The following PHACTR1 variants were observed in gnomAD, a reference collection of about 807,000 sequenced individuals.
The protein encoded by PHACTR1 is RPEL repeat containing 1.
In PHACTR1, 16 loss-of-function variants were observed where a neutral mutation model predicts 69.2. The observed-to-expected ratio is 0.23, with a 90% CI of 0.16 to 0.35. The LOEUF (loss-of-function observed/expected upper bound fraction) is 0.35, where lower values mean the gene tolerates loss of function less well. PHACTR1 is among the 10% of genes least tolerant of loss of function. PHACTR1 has a pLI of 1.00. For missense variants in PHACTR1, 510 were observed against 734.7 expected, an observed-to-expected ratio of 0.69 and a Z score of 3.54; for synonymous variants, 312 against 284.5, an observed-to-expected ratio of 1.10 and a Z score of -0.97.
At chr6:13,219,385 C>T (rs192512378) in intron 8 of PHACTR1, among the ~76,000 whole-genome samples, 38 of 152,226 alleles carry the variant, frequency 2.5e-4, no homozygotes, top group Admixed American at 5.9e-4. Context: ...AATGTGATGT[C>T]GGGCAGGGAC....
In PHACTR1 at chr6:13,034,139, T is replaced by A. The variant is rs566607072; in HGVS notation, c.251-19226T>A. ...TTCACGCCATTCTCCTGCCTCAGCCTCCCGAGTAGCTGGGACTACAGGCGC... is the reference window on the plus strand; with the variant it reads ...TTCACGCCATTCTCCTGCCTCAGCCACCCGAGTAGCTGGGACTACAGGCGC... On this transcript the variant is annotated intron_variant, in intron 4 of 14. Coordinates refer to ENST00000332995, the MANE Select transcript of PHACTR1 (RefSeq NM_030948.6). Among the ~76,000 whole-genome samples the A allele has an allele frequency of 3.2e-4, 49 of 152,152 alleles. 1 individual carries two copies. In the South Asian group the frequency reaches 9.3e-3, roughly 29 times the overall value.
At chr6:12,930,793 G>A (rs1788781586) in intron 4 of PHACTR1, among the ~76,000 whole-genome samples, 1 of 152,148 alleles carries the variant, frequency 6.6e-6, no homozygotes, top group Admixed American at 6.5e-5. Context: ...GCTCATGCCT[G>A]TAATCCCAAC....
intron 5 of PHACTR1, among the ~76,000 whole-genome samples, chr6:13,055,317 T>A (rs1200285979): frequency 6.6e-6 from 1 of 152,160 alleles, no homozygotes; most frequent in Non-Finnish European, 1.5e-5. Context: ...GCAAAACCTG[T>A]AGGTCATTTG....
intron 5 of PHACTR1, among the ~76,000 whole-genome samples, chr6:13,055,316 G>T (rs1806603949): frequency 6.6e-6 from 1 of 152,164 alleles, no homozygotes; most frequent in Non-Finnish European, 1.5e-5. Flanking sequence ...CGCAAAACCT[G>T]TAGGTCATTT....
At chr6:12,932,078 A>G (rs1332443109) in intron 4 of PHACTR1, among the ~76,000 whole-genome samples, 1 of 152,130 alleles carries the variant, frequency 6.6e-6, no homozygotes, top group African/African-American at 2.4e-5. Flanking sequence ...ATCTGTGTTA[A>G]ATAAGTCTTC....
intron 4 of PHACTR1, among the ~76,000 whole-genome samples, chr6:12,899,877 G>A (rs1010533999): frequency 1.8e-4 from 28 of 152,126 alleles, no homozygotes; most frequent in African/African-American, 6.3e-4. Flanking sequence ...GCCTCCCTGT[G>A]TCCATCCCAC....
intron 3 of PHACTR1, among the ~76,000 whole-genome samples, chr6:12,720,387 G>C (rs1761957482): frequency 6.6e-6 from 1 of 152,348 alleles, no homozygotes; most frequent in Middle Eastern, 3.4e-3. Context: ...GATGCTTTAA[G>C]CCTTTAAGAA....
At chr6:13,169,357 TCTGGG>T (rs962487000) in intron 6 of PHACTR1, among the ~76,000 whole-genome samples, 4 of 152,010 alleles carry the variant, frequency 2.6e-5, no homozygotes, top group African/African-American at 7.2e-5. Flanking sequence ...TCAAGGGAGA[TCTGGG>T]CTGGGCTGGG....
At chr6:12,953,874 A>G (rs990054928) in intron 4 of PHACTR1, among the ~76,000 whole-genome samples, 2 of 152,246 alleles carry the variant, frequency 1.3e-5, no homozygotes, top group African/African-American at 2.4e-5. Flanking sequence ...CTTATGTCCC[A>G]AGGTGAATTC....
At chr6:13,048,522 T>TTG (rs70989824) in intron 4 of PHACTR1, among the ~76,000 whole-genome samples, 17,894 of 142,860 alleles carry the variant, frequency 0.13, 1,203 homozygotes, top group Middle Eastern at 0.24. Flanking sequence ...TTCCATTTCT[T>TTG]TGTGTGTGTG....
intron 5 of PHACTR1, among the ~76,000 whole-genome samples, chr6:13,077,544 G>A (rs1810715691): frequency 1.3e-5 from 2 of 152,188 alleles, no homozygotes; most frequent in South Asian, 4.1e-4. Flanking sequence ...GTTATAACAG[G>A]CAACTGCTGG....
chr6:12,809,274 A>G (rs140598046), intron 4 of PHACTR1, among the ~76,000 whole-genome samples: 45 of 152,300 alleles, frequency 3.0e-4, no homozygotes, highest in African/African-American at 9.9e-4. Flanking sequence ...AATAAAAGCT[A>G]TTGTTGATAT....
chr6:12,717,069 C>T (rs1001288682), intron 1 of PHACTR1, among the ~76,000 whole-genome samples, 173 bp downstream of exon 1: 2 of 152,250 alleles, frequency 1.3e-5, no homozygotes, highest in East Asian at 3.9e-4. Context: ...CTTCCAGTGA[C>T]TGATTTGCAG....
At chr6:12,860,703 A>G (rs931958078) in intron 4 of PHACTR1, among the ~76,000 whole-genome samples, 1 of 152,136 alleles carries the variant, frequency 6.6e-6, no homozygotes, top group African/African-American at 2.4e-5. Context: ...CTGGTATGAG[A>G]TGGTATCTCA....
chr6:12,789,862 G>A lies in PHACTR1; in HGVS notation c.250+40072G>A, dbSNP rs371144383. Among the ~76,000 whole-genome samples, 11 of 151,316 alleles carry A rather than the reference G, an allele frequency of 7.3e-5. No individual in the cohort carries two copies. In the East Asian group the frequency reaches 1.8e-3, roughly 24 times the overall value. On this transcript the variant is annotated intron_variant, in intron 4 of 14. Coordinates refer to ENST00000332995, the MANE Select transcript of PHACTR1 (RefSeq NM_030948.6). ...ACATATGTATACATGTGCCATGCTG[G>A]TGTGCTGCACCCATCAACTCGTCAT...
intron 10 of PHACTR1, among the ~76,000 whole-genome samples, chr6:13,235,754 A>G (rs1232888713): frequency 6.6e-6 from 1 of 152,188 alleles, no homozygotes; most frequent in African/African-American, 2.4e-5. Flanking sequence ...AACATGACCT[A>G]TTTGTGGTCA....
intron 7 of PHACTR1, among the ~76,000 whole-genome samples, chr6:13,188,792 A>G (rs966249989): frequency 2.6e-5 from 4 of 152,172 alleles, no homozygotes; most frequent in African/African-American, 9.7e-5. Flanking sequence ...ACCTCCTCCA[A>G]CATCAACCAT....
intron 4 of PHACTR1, among the ~76,000 whole-genome samples, chr6:12,839,969 G>A (rs1778537616): frequency 6.6e-6 from 1 of 152,034 alleles, no homozygotes; most frequent in South Asian, 2.1e-4. Context: ...CAATGTAGGG[G>A]AATTAGATAT....
intron 4 of PHACTR1, among the ~76,000 whole-genome samples, chr6:12,898,021 A>G (rs1257578226): frequency 6.6e-6 from 1 of 152,074 alleles, no homozygotes; most frequent in African/African-American, 2.4e-5. Flanking sequence ...AGCTTCATCC[A>G]TGTGCCTGCA....
Sources: allele counts gnomAD v4.1 joint callset (sites outside exome capture counted in the v4.1 genomes callset), GRCh38; gene constraint gnomAD v4.1.1; transcripts MANE v1.5; gene names NCBI Gene and HGNC (gene_info 2026-07-23, HGNC 2026-07-21).